PLEC: variants seen among roughly 807,000 people sequenced by gnomAD.
The protein encoded by PLEC is hemidesmosomal protein 1.
Under a neutral mutation model 392.8 loss-of-function variants are expected in PLEC, and 216 were observed. The observed-to-expected ratio is 0.55, with a 90% CI of 0.49 to 0.62. The LOEUF (loss-of-function observed/expected upper bound fraction) is 0.62, where lower values mean the gene tolerates loss of function less well. Among genes scored for constraint, PLEC ranks in the 20% least tolerant of loss-of-function variants. The pLI, the probability that PLEC is intolerant of heterozygous loss-of-function variation, is 0.00. For missense variants in PLEC, 6,863 were observed against 6,563.4 expected (o/e 1.05, Z -1.58); for synonymous variants, 3,621 against 2,980.6 (o/e 1.21, Z -7.00).
intron 1 of PLEC, among the ~76,000 whole-genome samples, chr8:143,967,468 A>G (rs574257222): frequency 8.4e-4 from 127 of 151,918 alleles, no homozygotes; most frequent in African/African-American, 2.9e-3. Context: ...CTCAGCAGGA[A>G]CTTTCCAGGA....
At chr8:143,941,011 A>T (rs1830361165), upstream of PLEC, among the ~76,000 whole-genome samples, 1 of 151,888 alleles carries the variant, frequency 6.6e-6, no homozygotes, top group Non-Finnish European at 1.5e-5. Flanking sequence ...TCAAAATCTG[A>T]CCCCGCACTG....
chr8:143,919,175 G>C lies in PLEC; in HGVS notation c.10646C>G (p.Ala3549Gly), dbSNP rs2857812. ...CACCTGCGTGGTCTCCACCACCTCAGCCTTCTCCGCCCCTTTCAGTGGCAG... is the reference window on the plus strand; with the variant it reads ...CACCTGCGTGGTCTCCACCACCTCACCCTTCTCCGCCCCTTTCAGTGGCAG... ...RLLPLKGAEKAEVVETTQVYT... is the reference protein window; with the variant it reads ...RLLPLKGAEKGEVVETTQVYT... The change falls in exon 32 of 32, where the codon GCT (alanine) becomes GGT (glycine). Residue 3549 changes from alanine (A) to glycine (G), a missense_variant. Ala to Gly is a moderately conservative substitution (Grantham distance 60, BLOSUM62 0). Transcript: ENST00000345136. The C allele has an allele frequency of 1.9e-6, 3 of 1,613,678 alleles. No homozygotes were observed. The African/African-American group carries it at 4.0e-5, about 22-fold the overall frequency.
In PLEC at chr8:143,973,193, G is replaced by A. The variant is rs1383116359; in HGVS notation, c.70+210C>T. On this transcript the variant is annotated intron_variant, in intron 1 of 31. Transcript: ENST00000356346. This position sits in a 1 kb window ranked among gnomAD's most constrained non-coding sequence, Gnocchi z 5.6. Reference sequence around the variant, plus strand: ...ACCCCACCCACCCGAGCCGCGCGATGCCCTATTAAGGGCATGGCCTCGGGG... The same window carrying A: ...ACCCCACCCACCCGAGCCGCGCGATACCCTATTAAGGGCATGGCCTCGGGG... Among the ~76,000 whole-genome samples, 2 of 147,076 alleles carry A rather than the reference G, an allele frequency of 1.4e-5. No individual in the cohort carries two copies. The highest frequency in any genetic ancestry group is 3.0e-5 in the Non-Finnish European group (2 of 66,134).
At chr8:143,945,079 A>T (rs1476914738) in intron 1 of PLEC, 3 of 404,502 alleles carry the variant, frequency 7.4e-6, no homozygotes, top group Non-Finnish European at 1.4e-5. Flanking sequence ...CTGCCAAGCC[A>T]GGGGGTGCTC....
At chr8:143,950,212 C>A (rs1231556221) in exon 1 of PLEC, 49 of 1,547,364 alleles carry the variant, frequency 3.2e-5, no homozygotes, top group Non-Finnish European at 4.2e-5. Flanking sequence ...CCGGGCCTGG[C>A]CTGGCCAGGG....
intron 1 of PLEC, among the ~76,000 whole-genome samples, chr8:143,962,714 T>C (rs1326366750): frequency 6.6e-5 from 10 of 152,228 alleles, no homozygotes; most frequent in African/African-American, 2.4e-4. Context: ...TTCGCCGAAC[T>C]GTGTTCACTG....
At position 143,933,966 on chromosome 8, in the gene PLEC, T is replaced by G. The variant is rs781786308; in HGVS notation, c.1263+32A>C. The stretch of plus-strand genomic sequence containing the variant: ...GCGGGGCAGGCTCCTCCGGCCTCCC[T>G]CCCGCCCACTGCCTGCCCCACACCC... On this transcript the variant is annotated intron_variant, in intron 12 of 31. Transcript: ENST00000345136. The G allele has an allele frequency of 1.5e-5, 23 of 1,495,110 alleles. No individual in the cohort carries two copies. The African/African-American group carries it at 2.5e-4, about 16-fold the overall frequency. 92.6% of individuals were successfully genotyped at this position (1,495,110 alleles called of 1,614,324 possible).
intron 1 of PLEC, among the ~76,000 whole-genome samples, chr8:143,960,282 CAAAT>C (rs1290853716): frequency 6.7e-6 from 1 of 149,184 alleles, no homozygotes; most frequent in Non-Finnish European, 1.5e-5. Context: ...AACTCCGTCT[CAAAT>C]AATAATAATA....
At chr8:143,974,992 C>G (rs552138907), upstream of PLEC, among the ~76,000 whole-genome samples, 3 of 152,230 alleles carry the variant, frequency 2.0e-5, no homozygotes, top group African/African-American at 7.2e-5. This position sits in a 1 kb window ranked among gnomAD's most constrained non-coding sequence, Gnocchi z 5.9. Flanking sequence ...CATGAACCGC[C>G]TGGGCGCGGC....
intron 1 of PLEC, among the ~76,000 whole-genome samples, chr8:143,961,231 T>TTTC (rs1832857591): frequency 1.4e-5 from 1 of 72,840 alleles, no homozygotes; most frequent in African/African-American, 3.2e-5. Context: ...CAGAAATTCC[T>TTTC]TTTTTTTTTT....
At chr8:143,958,641 G>A, upstream of PLEC, 1 of 452,378 alleles carries the variant, frequency 2.2e-6, no homozygotes, top group South Asian at 1.6e-5. The surrounding 1 kb of genome is among the most constrained non-coding windows in gnomAD (Gnocchi z 4.9). Flanking sequence ...AGCACAAGCA[G>A]GTCCCACCAC....
At position 143,916,085 on chromosome 8, in the gene PLEC, G is replaced by A. The variant is rs1467476348; in HGVS notation, c.*92C>T. 29 of 829,288 alleles carry A rather than the reference G, an allele frequency of 3.5e-5. No individual in the cohort carries two copies. In the African/African-American group the frequency reaches 4.2e-4, roughly 12 times the overall value. The allele number at this position is 829,288 out of a possible 1,614,324, so 51.4% of individuals were successfully genotyped here. On this transcript the variant is annotated 3_prime_UTR_variant, in exon 32 of 32. Coordinates refer to ENST00000345136, the MANE Select transcript of PLEC (RefSeq NM_201384.3). ...TGGTTAAACTTTAGGCACCACTTGG[G>A]AGGAAGACACCTTTAAGCGTTGAAA... is the stretch of plus-strand genomic sequence containing the variant.
chr8:143,939,687 G>A, upstream of PLEC: 2 of 1,370,596 alleles, frequency 1.5e-6, no homozygotes, highest in Middle Eastern at 2.7e-4. Flanking sequence ...CCGCCAGGGA[G>A]GGGAGTGTCC....
upstream of PLEC, among the ~76,000 whole-genome samples, chr8:143,942,821 A>G (rs997660704): frequency 6.6e-6 from 1 of 152,180 alleles, no homozygotes; most frequent in Non-Finnish European, 1.5e-5. Flanking sequence ...TGGGGACTGC[A>G]GGGCCCAGGG....
rs150743194 is a variant in PLEC at position 143,919,234 on chromosome 8, C to T, written c.10587G>A (p.Arg3529=). The T allele has an allele frequency of 1.2e-6, 2 of 1,613,916 alleles. No individual in the cohort carries two copies. The highest frequency in any genetic ancestry group is 1.1e-5 in the South Asian group (1 of 91,080). The change falls in exon 32 of 32, where the codon CGG becomes CGA. Residue 3529 remains arginine (R), a synonymous_variant. Coordinates refer to ENST00000345136, the MANE Select transcript of PLEC (RefSeq NM_201384.3). ...AGCCCGTCTCGGGGTCCTCCACGCA[C>T]CGCTCCAGCAGCTGCCTGTACGTGA... The part of the protein sequence containing the change: ...ENLTYRQLLE[R]CVEDPETGLR...
At chr8:143,943,642 G>A (rs868915180), upstream of PLEC, 9 of 790,258 alleles carry the variant, frequency 1.1e-5, no homozygotes, top group Middle Eastern at 1.8e-3. Context: ...ACTGCAGGGT[G>A]GGGTGGAGGG....
At chr8:143,925,963 C>T in intron 30 of PLEC, 79 bp from the exon 31 acceptor site, 1 of 1,421,288 alleles carries the variant, frequency 7.0e-7, no homozygotes, top group East Asian at 2.5e-5. Flanking sequence ...CGCACCGGCA[C>T]AGTTCACTCA....
Position 143,924,605 on chromosome 8 carries a change from T to A in PLEC, c.5324A>T (p.Glu1775Val). 6.5e-7 allele frequency: 1 copy of A among 1,544,298 alleles called. No individual in the cohort carries two copies. Among genetic ancestry groups the A allele is most frequent in the Admixed American group, 1.9e-5 (1 of 52,610 alleles). Residue 1775 changes from glutamate (E) to valine (V), a missense_variant, in exon 31 of 32, where the codon GAG becomes GTG. Coordinates refer to ENST00000345136, the MANE Select transcript of PLEC (RefSeq NM_201384.3). Reference protein sequence around the residue: ...EVLLASKARAEEESRSTSEKS... With the variant: ...EVLLASKARAVEESRSTSEKS... The stretch of plus-strand genomic sequence containing the variant: ...CTCGCTGGTGGAGCGCGACTCCTCC[T>A]CAGCCCTCGCCTTGCTGGCCAGCAG...
At chr8:143,953,664 C>T, upstream of PLEC, 2 of 1,554,216 alleles carry the variant, frequency 1.3e-6, no homozygotes, top group South Asian at 1.1e-5. Context: ...GTGGACTGCA[C>T]CCAGCCAGAG....
Sources: allele counts gnomAD v4.1 joint callset (sites outside exome capture counted in the v4.1 genomes callset), GRCh38; gene constraint gnomAD v4.1.1; non-coding constraint Gnocchi (gnomAD v3.1); transcripts MANE v1.5; gene names NCBI Gene and HGNC (gene_info 2026-07-23, HGNC 2026-07-21).